WDR59: variants seen among roughly 807,000 people sequenced by gnomAD.
WDR59 encodes WD repeat domain 59, also known as GATOR2 complex protein WDR59.
A neutral mutation model predicts 131.2 loss-of-function variants in WDR59; 100 were observed. The ratio of observed to expected loss-of-function variants is 0.76; its 90% CI spans 0.65 to 0.90. WDR59 has a LOEUF of 0.90. WDR59 is among the 40% of genes least tolerant of loss of function. The pLI is 0.00. For synonymous variants in WDR59, 601 were observed against 466.2 expected, an observed-to-expected ratio of 1.29 and a Z score of -3.72; for missense variants, 1,203 against 1,262.2, an observed-to-expected ratio of 0.95 and a Z score of 0.71.
chr16:74,887,113 T>A lies in WDR59; in HGVS notation c.2419+570A>T, dbSNP rs1274661708. The stretch of plus-strand genomic sequence containing the variant: ...AAGAATGGATGCAAATGTTCTAGAA[T>A]GTTAATGGACGCTATTCCTAGGTGG... On this transcript the variant is annotated intron_variant, in intron 23 of 25. Coordinates refer to ENST00000262144, the MANE Select transcript of WDR59 (RefSeq NM_030581.4). Among the ~76,000 whole-genome samples the A allele has an allele frequency of 2.0e-5, 3 of 152,230 alleles. No individual in the cohort carries two copies. In the East Asian group the frequency reaches 5.8e-4, roughly 29 times the overall value.
At chr16:74,948,487 G>T in intron 6 of WDR59, 32 bp downstream of exon 6, 1 of 1,604,092 alleles carries the variant, frequency 6.2e-7, no homozygotes, top group Admixed American at 1.7e-5. Flanking sequence ...AAACCAAGGC[G>T]CCAGGGTGAG....
chr16:74,983,993 T>C (rs1439702503), intron 1 of WDR59, among the ~76,000 whole-genome samples: 5 of 151,224 alleles, frequency 3.3e-5, no homozygotes, highest in African/African-American at 7.3e-5. Context: ...TGAAGTAAAA[T>C]AGGCCAGGCA....
chr16:74,942,635 G>T (rs372110951), intron 7 of WDR59, 103 bp downstream of exon 7: 3 of 1,076,162 alleles, frequency 2.8e-6, no homozygotes, highest in East Asian at 2.5e-5. Flanking sequence ...TGCTGCACAG[G>T]GTTCCCCAGA....
chr16:74,887,595 T>A, intron 23 of WDR59, 88 bp downstream of exon 23: 1 of 1,221,674 alleles, frequency 8.2e-7, no homozygotes, highest in Non-Finnish European at 1.2e-6. Context: ...AGAAAAAATA[T>A]GGAGACTAAG....
intron 10 of WDR59, 74 bp from the exon 11 acceptor site, chr16:74,918,082 T>G: frequency 7.0e-7 from 1 of 1,431,022 alleles, no homozygotes; most frequent in Non-Finnish European, 9.8e-7. Context: ...TGAAATGGAG[T>G]GAGATTCATC....
Position 74,959,602 on chromosome 16 carries a change from GA to G in WDR59, c.105-2993del, listed in dbSNP as rs757485911. 1.6e-4 allele frequency: 67 copies of G among 420,942 alleles called. 2 individuals are homozygous for G. The highest frequency in any genetic ancestry group is 2.1e-4 in the Non-Finnish European group (45 of 214,316). The allele number at this position is 420,942 out of a possible 1,614,324, so 26.1% of individuals were successfully genotyped here. A position where few individuals can be genotyped will look rare whatever the true frequency, so the allele number is the denominator to read the frequency against. On this transcript the variant is annotated intron_variant, in intron 2 of 25. Transcript: ENST00000262144. The stretch of plus-strand genomic sequence containing the variant: ...CCTGGCAAGACCTTATCTGCATAAA[GA>G]AAAAAAAATTATAATAAAATAAAAT...
At chr16:74,926,937 A>G (rs1000019647) in intron 8 of WDR59, among the ~76,000 whole-genome samples, 1 of 152,196 alleles carries the variant, frequency 6.6e-6, no homozygotes, top group Non-Finnish European at 1.5e-5. Context: ...TGTGCCAACA[A>G]TGAGGTGTTA....
chr16:74,881,699 C>T (rs1359852430), intron 25 of WDR59, among the ~76,000 whole-genome samples: 3 of 151,634 alleles, frequency 2.0e-5, no homozygotes, highest in Admixed American at 2.0e-4. Flanking sequence ...ATGGTGAAAC[C>T]GTGTCTCTAC....
intron 8 of WDR59, among the ~76,000 whole-genome samples, chr16:74,931,552 G>T (rs1481055370): frequency 6.6e-6 from 1 of 152,012 alleles, no homozygotes; most frequent in Non-Finnish European, 1.5e-5. Context: ...GCCCAGGCTG[G>T]TCTCAAACTC....
chr16:74,903,752 T>C (rs11149778), intron 18 of WDR59, among the ~76,000 whole-genome samples, 195 bp downstream of exon 18: 138,898 of 152,174 alleles, frequency 0.91, 63,777 homozygotes, highest in Middle Eastern at 0.97. Context: ...AACGGCCCCC[T>C]GACCCATACA....
At chr16:74,959,075 A>C (rs2145172329) in intron 2 of WDR59, among the ~76,000 whole-genome samples, 1 of 152,266 alleles carries the variant, frequency 6.6e-6, no homozygotes, top group South Asian at 2.1e-4. Flanking sequence ...AAAAACACTA[A>C]GGAGAGGGTT....
At chr16:74,967,173 C>G (rs1597808687) in intron 1 of WDR59, among the ~76,000 whole-genome samples, 1 of 152,182 alleles carries the variant, frequency 6.6e-6, no homozygotes, top group South Asian at 2.1e-4. Context: ...CAAGAAACAT[C>G]ACAAGTAACA....
intron 1 of WDR59, among the ~76,000 whole-genome samples, chr16:74,982,874 G>A (rs990179160): frequency 6.6e-5 from 10 of 152,174 alleles, no homozygotes; most frequent in African/African-American, 2.4e-4. Context: ...ACAGGATGGG[G>A]TTTTGGAAAG....
Position 74,973,102 on chromosome 16 carries a change from G to A in WDR59, c.55-7280C>T, listed in dbSNP as rs530834122. Reference sequence around the variant, plus strand: ...TAAAAACACAAAAAATTAGCCAGGTGTTGTGGCGCATGCTTGTAATCCCAG... The same window carrying A: ...TAAAAACACAAAAAATTAGCCAGGTATTGTGGCGCATGCTTGTAATCCCAG... On this transcript the variant is annotated intron_variant, in intron 1 of 25. Transcript: ENST00000262144. Among the ~76,000 whole-genome samples the A allele has an allele frequency of 2.0e-5, 3 of 152,124 alleles. No individual in the cohort carries two copies. In the East Asian group the frequency reaches 5.8e-4, roughly 29 times the overall value.
chr16:74,961,553 AT>A (rs1489438053), intron 2 of WDR59, among the ~76,000 whole-genome samples: 1 of 152,106 alleles, frequency 6.6e-6, no homozygotes, highest in African/African-American at 2.4e-5. Context: ...ATCAGTAATG[AT>A]GAGCTTTTTT....
chr16:74,882,304 G>A (rs1388218355), intron 25 of WDR59, among the ~76,000 whole-genome samples: 1 of 152,170 alleles, frequency 6.6e-6, no homozygotes, highest in Non-Finnish European at 1.5e-5. Context: ...ACATTTAGAT[G>A]CTCTGAAAAA....
At chr16:74,937,466 T>A (rs2145076368) in intron 8 of WDR59, among the ~76,000 whole-genome samples, 1 of 152,292 alleles carries the variant, frequency 6.6e-6, no homozygotes, top group Non-Finnish European at 1.5e-5. Flanking sequence ...ATATCTGTCA[T>A]ACATATCTGA....
intron 1 of WDR59, among the ~76,000 whole-genome samples, chr16:74,981,780 C>G (rs1351619690): frequency 7.1e-6 from 1 of 140,352 alleles, no homozygotes; most frequent in East Asian, 2.2e-4. Flanking sequence ...CTTAGCCTCC[C>G]AAGTAGCTGG....
chr16:74,902,487 T>C (rs1965600159), intron 18 of WDR59, among the ~76,000 whole-genome samples: 2 of 152,176 alleles, frequency 1.3e-5, no homozygotes, highest in Admixed American at 1.3e-4. Flanking sequence ...AAAAGAGGCC[T>C]CATCTTGGAA....
Sources: allele counts gnomAD v4.1 joint callset (sites outside exome capture counted in the v4.1 genomes callset), GRCh38; gene constraint gnomAD v4.1.1; transcripts MANE v1.5; gene names NCBI Gene and HGNC (gene_info 2026-07-23, HGNC 2026-07-21).